The following SNX10 variants were observed in gnomAD, a reference collection of about 807,000 sequenced individuals.
SNX10 encodes the protein sorting nexin 10.
Under a neutral mutation model 28.5 loss-of-function variants are expected in SNX10, and 25 were observed. The observed-to-expected ratio is 0.88, with a 90% CI of 0.64 to 1.22. The LOEUF (loss-of-function observed/expected upper bound fraction) is 1.22. Ranked by LOEUF, SNX10 falls within the 50% of genes most tolerant of loss-of-function variation. SNX10 has a pLI of 0.00. For synonymous variants in SNX10, 62 were observed against 81.4 expected, an observed-to-expected ratio of 0.76 and a Z score of 1.28; for missense variants, 223 against 242.6, an observed-to-expected ratio of 0.92 and a Z score of 0.54.
chr7:26,363,998 G>A (rs1441867285), intron 3 of SNX10, among the ~76,000 whole-genome samples: 1 of 152,122 alleles, frequency 6.6e-6, no homozygotes, highest in African/African-American at 2.4e-5. Flanking sequence ...GGACGGACAC[G>A]CTCCCTCTCA....
rs139590352 is a variant in SNX10 at position 26,315,369 on chromosome 7, T to C, written c.-24+23283T>C. On this transcript the variant is annotated intron_variant, in intron 1 of 6. Transcript: ENST00000338523. ...ATTGTCCCAAAAGTGTCATAGCTTT[T>C]TAAAAATCACAAAATATGGCTGGGT... Among the ~76,000 whole-genome samples, 627 of 152,250 alleles carry C rather than the reference T, an allele frequency of 4.1e-3. 4 individuals carry two copies. The highest frequency in any genetic ancestry group is 6.8e-3 in the South Asian group (33 of 4,828).
intron 1 of SNX10, among the ~76,000 whole-genome samples, chr7:26,309,990 T>A (rs1002192686): frequency 6.6e-6 from 1 of 152,236 alleles, no homozygotes; most frequent in African/African-American, 2.4e-5. Flanking sequence ...TTTGGCCTTA[T>A]TGCTATTTTG....
chr7:26,370,383 T>C (rs376213165), intron 5 of SNX10: 2 of 152,386 alleles, frequency 1.3e-5, no homozygotes, highest in East Asian at 3.9e-4. Context: ...TGGTCATCTT[T>C]TGGGAGGACC....
Position 26,364,489 on chromosome 7 carries a change from AT to A in SNX10, c.112-39del. On this transcript the variant is annotated intron_variant, in intron 3 of 6. Transcript: ENST00000338523. The surrounding 1 kb of genome is among the most constrained non-coding windows in gnomAD (Gnocchi z 4.9). ...TGTGAATTATAGATACAAGAAATGC[AT>A]TTTTTTCCTCAGGTAAGACTCATTT... 5 of 1,559,984 alleles carry A rather than the reference AT, an allele frequency of 3.2e-6. No homozygotes were observed. Among genetic ancestry groups the A allele is most frequent in the South Asian group, 1.2e-5 (1 of 83,528 alleles).
chr7:26,357,427 G>A (rs759685928), intron 2 of SNX10, among the ~76,000 whole-genome samples: 40 of 151,832 alleles, frequency 2.6e-4, no homozygotes, highest in South Asian at 1.2e-3. Flanking sequence ...GTTGCTTATG[G>A]GGACCTATGC....
intron 1 of SNX10, among the ~76,000 whole-genome samples, chr7:26,344,826 G>A (rs1045659822): frequency 5.3e-5 from 8 of 152,108 alleles, no homozygotes; most frequent in Non-Finnish European, 8.8e-5. Flanking sequence ...TTATAGCTGC[G>A]GCAATAAGTT....
intron 1 of SNX10, among the ~76,000 whole-genome samples, chr7:26,306,898 G>A (rs187945060): frequency 1.3e-5 from 2 of 152,338 alleles, no homozygotes; most frequent in Admixed American, 6.5e-5. Flanking sequence ...TCCTCTTACA[G>A]ATGAGAACAC....
At chr7:26,314,757 T>C (rs1415814602) in intron 1 of SNX10, among the ~76,000 whole-genome samples, 1 of 152,088 alleles carries the variant, frequency 6.6e-6, no homozygotes, top group Non-Finnish European at 1.5e-5. Flanking sequence ...CCCAGCACTT[T>C]GGGAGGCTGA....
At chr7:26,358,783 C>T (rs1419989091) in intron 2 of SNX10, among the ~76,000 whole-genome samples, 1 of 139,458 alleles carries the variant, frequency 7.2e-6, no homozygotes. Flanking sequence ...GGCCAAAGAG[C>T]ATCACTATAG....
chr7:26,319,528 A>G (rs896800693), intron 1 of SNX10, among the ~76,000 whole-genome samples: 1 of 152,188 alleles, frequency 6.6e-6, no homozygotes, highest in African/African-American at 2.4e-5. Flanking sequence ...TTTCAGTGAG[A>G]CGGAAGGCCA....
intron 1 of SNX10, among the ~76,000 whole-genome samples, chr7:26,333,284 G>C (rs1269062862): frequency 1.4e-5 from 2 of 140,702 alleles, no homozygotes; most frequent in Non-Finnish European, 3.1e-5. Context: ...TATACATTTT[G>C]TACTTCTTTT....
chr7:26,345,305 C>T (rs759656706), intron 1 of SNX10, among the ~76,000 whole-genome samples: 23 of 152,186 alleles, frequency 1.5e-4, no homozygotes, highest in African/African-American at 5.3e-4. Context: ...CCATAGGGCA[C>T]GCTTTTCACC....
intron 1 of SNX10, among the ~76,000 whole-genome samples, chr7:26,332,522 T>C (rs963884650): frequency 2.6e-5 from 4 of 152,224 alleles, no homozygotes; most frequent in African/African-American, 4.8e-5. Context: ...TCTCATTCTG[T>C]GGGTTGTCTC....
intron 1 of SNX10, among the ~76,000 whole-genome samples, chr7:26,328,481 G>C (rs1483244251): frequency 6.6e-6 from 1 of 152,170 alleles, no homozygotes; most frequent in Non-Finnish European, 1.5e-5. Flanking sequence ...AGGCAGTTCT[G>C]ATTCTGGACA....
chr7:26,303,832 G>C (rs962973293), intron 1 of SNX10, among the ~76,000 whole-genome samples: 2 of 152,180 alleles, frequency 1.3e-5, no homozygotes, highest in Non-Finnish European at 2.9e-5. Context: ...ACACACTCAG[G>C]ACAAGCTGGT....
intron 1 of SNX10, among the ~76,000 whole-genome samples, chr7:26,329,491 C>A (rs989710828): frequency 6.6e-6 from 1 of 152,168 alleles, no homozygotes; most frequent in African/African-American, 2.4e-5. Context: ...TAAGCTTGTT[C>A]ATTATCTTGT....
At chr7:26,325,017 G>A (rs1479528023) in intron 1 of SNX10, among the ~76,000 whole-genome samples, 1 of 151,792 alleles carries the variant, frequency 6.6e-6, no homozygotes, top group Non-Finnish European at 1.5e-5. Flanking sequence ...GAGGATGGGT[G>A]GTCTCAGAGG....
intron 1 of SNX10, among the ~76,000 whole-genome samples, chr7:26,337,267 T>G (rs1378091331): frequency 6.6e-6 from 1 of 152,242 alleles, no homozygotes; most frequent in Admixed American, 6.5e-5. Flanking sequence ...AAATTTGCAA[T>G]CTTACCCATT....
chr7:26,292,708 T>G (rs3829844), intron 1 of SNX10, among the ~76,000 whole-genome samples: 8,376 of 152,244 alleles, frequency 0.055, 556 homozygotes, highest in East Asian at 0.28. Flanking sequence ...GAGCAACATG[T>G]CCTGCTGAAA....
Sources: allele counts gnomAD v4.1 joint callset (sites outside exome capture counted in the v4.1 genomes callset), GRCh38; gene constraint gnomAD v4.1.1; non-coding constraint Gnocchi (gnomAD v3.1); transcripts MANE v1.5; gene names NCBI Gene and HGNC (gene_info 2026-07-23, HGNC 2026-07-21).